The following SSH2 variants were observed in gnomAD, a reference collection of about 807,000 sequenced individuals.
SSH2 encodes the protein protein phosphatase Slingshot homolog 2.
Under a neutral mutation model 135.2 loss-of-function variants are expected in SSH2, and 37 were observed. That is an observed-to-expected ratio of 0.27 (90% CI 0.21 to 0.36). The LOEUF is 0.36. Ranked by LOEUF, SSH2 falls within the 10% of genes least tolerant of loss-of-function variation. SSH2 has a pLI of 1.00. For synonymous variants in SSH2, 628 were observed against 646.2 expected (o/e 0.97, Z 0.43); for missense variants, 1,408 against 1,765.3 (o/e 0.80, Z 3.63).
chr17:29,706,947 A>C (rs927324325), intron 3 of SSH2: 1 of 152,102 alleles, frequency 6.6e-6, no homozygotes, highest in African/African-American at 2.4e-5. Flanking sequence ...AGGTCAGGAG[A>C]TCGAGACCAT....
chr17:29,887,998 A>G (rs2066272939), intron 1 of SSH2, among the ~76,000 whole-genome samples: 1 of 152,110 alleles, frequency 6.6e-6, no homozygotes, highest in Non-Finnish European at 1.5e-5. Flanking sequence ...GCACTTTGGG[A>G]GGCCAATACT....
chr17:29,789,100 T>A (rs2042020865), intron 3 of SSH2, among the ~76,000 whole-genome samples: 1 of 152,204 alleles, frequency 6.6e-6, no homozygotes. Context: ...AGGTAGAACT[T>A]GCAACAGTGG....
chr17:29,761,452 T>A (rs1432636120), intron 3 of SSH2: 1 of 996,200 alleles, frequency 1.0e-6, no homozygotes, highest in East Asian at 1.1e-4. Context: ...CGCCAGCAGT[T>A]CGCCCCCACC....
At chr17:29,687,455 A>T (rs1429562337) in intron 5 of SSH2, among the ~76,000 whole-genome samples, 1 of 152,200 alleles carries the variant, frequency 6.6e-6, no homozygotes, top group African/African-American at 2.4e-5. Flanking sequence ...TTTAAAACCA[A>T]ATTCACTTAT....
intron 15 of SSH2, among the ~76,000 whole-genome samples, chr17:29,634,064 G>C (rs913104846): frequency 6.6e-6 from 1 of 152,214 alleles, no homozygotes; most frequent in African/African-American, 2.4e-5. Context: ...GGACTTTGCA[G>C]AAAGGCTATT....
intron 3 of SSH2, among the ~76,000 whole-genome samples, chr17:29,769,073 A>T (rs915361902): frequency 3.9e-5 from 6 of 152,108 alleles, no homozygotes; most frequent in Admixed American, 3.9e-4. Context: ...AATAATAAAA[A>T]AATAGAGTTT....
intron 3 of SSH2, among the ~76,000 whole-genome samples, chr17:29,720,277 A>C (rs1164246723): frequency 6.6e-6 from 1 of 152,224 alleles, no homozygotes; most frequent in Non-Finnish European, 1.5e-5. Flanking sequence ...GTTCAGTGCT[A>C]CTTTATTTCA....
At chr17:29,803,148 A>C (rs938296840) in intron 2 of SSH2, among the ~76,000 whole-genome samples, 2 of 152,216 alleles carry the variant, frequency 1.3e-5, no homozygotes, top group Non-Finnish European at 2.9e-5. Context: ...CAGAAAAAAC[A>C]GCTGTTTGGG....
intron 1 of SSH2, among the ~76,000 whole-genome samples, chr17:29,864,525 A>AAGATTTTGCTTATCAT (rs2065820681): frequency 6.6e-6 from 1 of 151,588 alleles, no homozygotes; most frequent in Admixed American, 6.6e-5. Flanking sequence ...ATAAGATTTA[A>AAGATTTTGCTTATCAT]AGATTTTGCT....
chr17:29,919,975 T>C (rs546151590), intron 1 of SSH2, among the ~76,000 whole-genome samples: 78 of 152,316 alleles, frequency 5.1e-4, no homozygotes, highest in African/African-American at 1.8e-3. Flanking sequence ...AATGGCGTGA[T>C]CTCAGCTCAC....
At chr17:29,926,396 A>C (rs1350931166) in intron 1 of SSH2, among the ~76,000 whole-genome samples, 2 of 151,588 alleles carry the variant, frequency 1.3e-5, no homozygotes, top group African/African-American at 2.4e-5. Flanking sequence ...AAAATACAAA[A>C]TACAAAAATT....
intron 14 of SSH2, chr17:29,640,752 T>C (rs2036124182): frequency 6.6e-6 from 1 of 152,216 alleles, no homozygotes; most frequent in Admixed American, 6.5e-5. Flanking sequence ...AGGGGTCCCC[T>C]CCTCACTCCT....
At chr17:29,861,861 G>A (rs1227490807) in intron 1 of SSH2, among the ~76,000 whole-genome samples, 3 of 152,074 alleles carry the variant, frequency 2.0e-5, no homozygotes, top group East Asian at 1.9e-4. Flanking sequence ...CATAATCTTC[G>A]TCTTTGAAGG....
At chr17:29,875,111 C>G (rs1026196025) in intron 1 of SSH2, among the ~76,000 whole-genome samples, 1 of 152,156 alleles carries the variant, frequency 6.6e-6, no homozygotes, top group Non-Finnish European at 1.5e-5. Context: ...ATATCACTCT[C>G]TCTAAACTCT....
chr17:29,657,928 G>A (rs886098621), intron 11 of SSH2, among the ~76,000 whole-genome samples: 6 of 151,252 alleles, frequency 4.0e-5, no homozygotes, highest in African/African-American at 1.2e-4. Flanking sequence ...TGTGGGAGGG[G>A]GTCTTTCATA....
At chr17:29,668,312 C>T (rs1323584696) in intron 9 of SSH2, among the ~76,000 whole-genome samples, 1 of 152,230 alleles carries the variant, frequency 6.6e-6, no homozygotes. Context: ...AATACCTGAG[C>T]TGTTTCTCTT....
At chr17:29,788,246 G>A (rs565560111) in intron 3 of SSH2, among the ~76,000 whole-genome samples, 23 of 152,278 alleles carry the variant, frequency 1.5e-4, no homozygotes, top group African/African-American at 5.1e-4. Flanking sequence ...CTTTGAATCA[G>A]TAGACTGGGT....
chr17:29,698,508 C>T (rs2038854327), intron 4 of SSH2, among the ~76,000 whole-genome samples: 1 of 151,988 alleles, frequency 6.6e-6, no homozygotes, highest in Non-Finnish European at 1.5e-5. Context: ...TTTCTTGAGA[C>T]AGGGTCTTAC....
At chr17:29,648,476 G>T in intron 13 of SSH2, 132 bp from the exon 14 acceptor site, 1 of 683,768 alleles carries the variant, frequency 1.5e-6, no homozygotes, top group African/African-American at 1.8e-5. Context: ...TCTCCACTTT[G>T]GTACACTCAT....
Sources: gnomAD v4.1 joint callset for allele counts (sites outside exome capture counted in the v4.1 genomes callset) on GRCh38, gnomAD v4.1.1 for gene constraint, MANE v1.5 for transcripts, NCBI Gene and HGNC (gene_info 2026-07-23, HGNC 2026-07-21) for gene names.